Variants in FGF12 observed in about 807,000 individuals in gnomAD.
FGF12 encodes fibroblast growth factor 12.
FGF12 carries 14 observed loss-of-function variants against 23.6 expected under a neutral mutation model. That is an observed-to-expected ratio of 0.59 (90% CI 0.39 to 0.93). FGF12 has a LOEUF of 0.93. FGF12 is among the 40% of genes least tolerant of loss of function. FGF12 has a pLI of 0.00. For synonymous variants in FGF12, 62 were observed against 77.3 expected, an observed-to-expected ratio of 0.80 and a Z score of 1.04; for missense variants, 175 against 217.8, an observed-to-expected ratio of 0.80 and a Z score of 1.24.
intron 2 of FGF12, among the ~76,000 whole-genome samples, chr3:192,429,473 C>T (rs1721787479): frequency 6.6e-6 from 1 of 152,174 alleles, no homozygotes; most frequent in Non-Finnish European, 1.5e-5. Context: ...TGCTCCTCCT[C>T]TTTCTCCTTT....
chr3:192,503,425 TC>T (rs1724191104), intron 2 of FGF12, among the ~76,000 whole-genome samples: 1 of 152,062 alleles, frequency 6.6e-6, no homozygotes, highest in Non-Finnish European at 1.5e-5. Flanking sequence ...AAATCAGTGA[TC>T]CAAAATCACT....
At chr3:192,595,243 T>A (rs1478013464) in intron 2 of FGF12, among the ~76,000 whole-genome samples, 4 of 152,236 alleles carry the variant, frequency 2.6e-5, no homozygotes, top group South Asian at 2.1e-4. Flanking sequence ...ACTGTATATT[T>A]GTAAGACAGT....
intron 4 of FGF12, among the ~76,000 whole-genome samples, chr3:192,224,868 A>G (rs1215165127): frequency 1.3e-5 from 2 of 152,170 alleles, no homozygotes; most frequent in African/African-American, 4.8e-5. Context: ...AGTAGGTTAC[A>G]GCAGTAGTTT....
chr3:192,532,649 A>G (rs546540172), intron 2 of FGF12, among the ~76,000 whole-genome samples: 1 of 152,294 alleles, frequency 6.6e-6, no homozygotes, highest in East Asian at 1.9e-4. Flanking sequence ...AAGACTCACT[A>G]TGAGTGACAC....
At chr3:192,169,102 A>G (rs1184137822) in intron 5 of FGF12, among the ~76,000 whole-genome samples, 2 of 152,204 alleles carry the variant, frequency 1.3e-5, no homozygotes, top group Non-Finnish European at 2.9e-5. Flanking sequence ...GCACTTTGGG[A>G]GGCCGAGGTG....
intron 3 of FGF12, among the ~76,000 whole-genome samples, chr3:192,350,628 G>A (rs1485846713): frequency 6.6e-6 from 1 of 152,156 alleles, no homozygotes; most frequent in South Asian, 2.1e-4. Context: ...GAGGGGGATA[G>A]CTGGTCCCAA....
rs78814117 is a variant in FGF12, at chr3:192,576,750, T to C, written c.13+150431A>G. Among the ~76,000 whole-genome samples the C allele has an allele frequency of 1.3e-3, 193 of 152,082 alleles. 3 individuals carry two copies. In the East Asian group the frequency reaches 0.035, roughly 27 times the overall value. On this transcript the variant is annotated intron_variant, in intron 2 of 5. Coordinates refer to ENST00000445105, the MANE Select transcript of FGF12 (RefSeq NM_004113.6). ...TAGGTGGCAGGGGAGGGCAGAAAAA[T>C]AAATCATCATGTTTATTGCGGCACT...
intron 2 of FGF12, among the ~76,000 whole-genome samples, chr3:192,561,598 G>A (rs1409471548): frequency 8.5e-5 from 13 of 152,098 alleles, no homozygotes; most frequent in African/African-American, 2.7e-4. Flanking sequence ...TCCTGACCTT[G>A]TGATCCGCCC....
At position 192,409,073 on chromosome 3, in the gene FGF12, A is replaced by C. The variant is rs1320090079; in HGVS notation, c.14-48535T>G. ...CTGCAAAGAGAGCGGGAGGCGAGGGAGGGGGGAGGGCGCGAGGGAGGGAGG... is the reference window on the plus strand; with the variant it reads ...CTGCAAAGAGAGCGGGAGGCGAGGGCGGGGGGAGGGCGCGAGGGAGGGAGG... On this transcript the variant is annotated intron_variant, in intron 2 of 5. Transcript: ENST00000445105. This position sits in a 1 kb window ranked among gnomAD's most constrained non-coding sequence, Gnocchi z 4.8. The C allele has an allele frequency of 3.4e-6, 1 of 294,698 alleles. No homozygotes were observed. The highest frequency in any genetic ancestry group is 6.2e-5 in the African/African-American group (1 of 16,062). The allele number at this position is 294,698 out of a possible 1,614,324, so 18.3% of individuals were successfully genotyped here. A position where few individuals can be genotyped will look rare whatever the true frequency, so the allele number is the denominator to read the frequency against.
At chr3:192,534,612 G>T (rs887396963) in intron 2 of FGF12, among the ~76,000 whole-genome samples, 1 of 152,008 alleles carries the variant, frequency 6.6e-6, no homozygotes, top group Non-Finnish European at 1.5e-5. Flanking sequence ...GACTGGTACC[G>T]AACTCCTGAC....
chr3:192,439,975 G>GA, intron 2 of FGF12, among the ~76,000 whole-genome samples: 1 of 128,782 alleles, frequency 7.8e-6, no homozygotes, highest in African/African-American at 4.2e-5. Context: ...GACTCCATAT[G>GA]GAAAAAAAAA....
chr3:192,326,799 G>A (rs1291497406), intron 4 of FGF12, among the ~76,000 whole-genome samples: 1 of 152,162 alleles, frequency 6.6e-6, no homozygotes, highest in Non-Finnish European at 1.5e-5. Context: ...TTAAAGAAAT[G>A]AATATTGAAC....
At chr3:192,460,676 A>ATATT (rs1553816431) in intron 2 of FGF12, among the ~76,000 whole-genome samples, 1 of 129,726 alleles carries the variant, frequency 7.7e-6, no homozygotes. Flanking sequence ...ACACACACAC[A>ATATT]TATATTTATA....
intron 2 of FGF12, among the ~76,000 whole-genome samples, chr3:192,511,525 G>A (rs146618655): frequency 3.7e-4 from 56 of 152,238 alleles, no homozygotes; most frequent in African/African-American, 1.3e-3. Context: ...TCTTCTGTGA[G>A]TCTTTTTCTT....
intron 2 of FGF12, among the ~76,000 whole-genome samples, chr3:192,474,099 T>A (rs187566661): frequency 9.8e-5 from 15 of 152,366 alleles, no homozygotes; most frequent in African/African-American, 3.4e-4. Context: ...CTGATTTTAT[T>A]TTAATTTAAG....
intron 4 of FGF12, among the ~76,000 whole-genome samples, chr3:192,285,102 A>G (rs1014263040): frequency 6.6e-6 from 1 of 152,088 alleles, no homozygotes; most frequent in East Asian, 1.9e-4. Context: ...TGACCTGACA[A>G]ATGCAGTGTT....
Position 192,577,994 on chromosome 3 carries a change from G to A in FGF12, c.13+149187C>T, listed in dbSNP as rs115240106. ...CTCCAAAGAAAGGTGCAGGGAGATAGCAAGGTCTAGTGAAAGGGGTTATGG... is the reference window on the plus strand; with the variant it reads ...CTCCAAAGAAAGGTGCAGGGAGATAACAAGGTCTAGTGAAAGGGGTTATGG... On this transcript the variant is annotated intron_variant, in intron 2 of 5. Coordinates refer to ENST00000445105, the MANE Select transcript of FGF12 (RefSeq NM_004113.6). 4.4e-3 allele frequency among the ~76,000 whole-genome samples: 666 copies of A among 152,288 alleles called. 5 individuals carry two copies. Among genetic ancestry groups the A allele is most frequent in the African/African-American group, 0.016 (650 of 41,558 alleles).
chr3:192,574,421 T>C (rs1712785993), intron 2 of FGF12, among the ~76,000 whole-genome samples: 1 of 152,218 alleles, frequency 6.6e-6, no homozygotes, highest in Non-Finnish European at 1.5e-5. Flanking sequence ...GGGCTATGCT[T>C]CTGACCCTTT....
At chr3:192,353,776 G>T (rs1577381300) in intron 3 of FGF12, among the ~76,000 whole-genome samples, 1 of 152,000 alleles carries the variant, frequency 6.6e-6, no homozygotes, top group Admixed American at 6.6e-5. Flanking sequence ...TATGTAAGGG[G>T]GTAAGCCATT....
Sources: allele counts gnomAD v4.1 joint callset (sites outside exome capture counted in the v4.1 genomes callset), GRCh38; gene constraint gnomAD v4.1.1; non-coding constraint Gnocchi (gnomAD v3.1); transcripts MANE v1.5; gene names NCBI Gene and HGNC (gene_info 2026-07-23, HGNC 2026-07-21).